The following SLC44A5 variants were observed in gnomAD, a reference collection of about 807,000 sequenced individuals.
SLC44A5 encodes the protein choline transporter-like protein 5.
A neutral mutation model predicts 101.8 loss-of-function variants in SLC44A5; 57 were observed. The observed-to-expected ratio is 0.56, with a 90% CI of 0.45 to 0.70. The LOEUF (loss-of-function observed/expected upper bound fraction) is 0.70. Ranked by LOEUF, SLC44A5 falls within the 30% of genes least tolerant of loss-of-function variation. The pLI, the probability that SLC44A5 is intolerant of heterozygous loss-of-function variation, is 0.00. For missense variants in SLC44A5, 737 were observed against 853.1 expected (o/e 0.86, Z 1.70); for synonymous variants, 281 against 290.9 (o/e 0.97, Z 0.35).
At chr1:75,451,527 T>G (rs998975460) in intron 2 of SLC44A5, among the ~76,000 whole-genome samples, 2 of 150,990 alleles carry the variant, frequency 1.3e-5, no homozygotes, top group African/African-American at 2.4e-5. Flanking sequence ...AAGAAAAAAA[T>G]AAAAAATCCT....
chr1:75,582,621 G>A (rs574003942), intron 1 of SLC44A5: 8 of 272,684 alleles, frequency 2.9e-5, no homozygotes, highest in South Asian at 9.7e-5. Flanking sequence ...CTGCACTGCC[G>A]TCTGCATAGG....
rs756675060 is a variant in SLC44A5, at chr1:75,373,749, C to A, written c.52+22834G>T. ...GAGGTTGCCCACAGCACAGCCTCTACTGCCCCACCTGAGTGTTTTGCCAGC... is the reference window on the plus strand; with the variant it reads ...GAGGTTGCCCACAGCACAGCCTCTAATGCCCCACCTGAGTGTTTTGCCAGC... On this transcript the variant is annotated intron_variant, in intron 3 of 23. Transcript: ENST00000370859. 2.0e-5 allele frequency among the ~76,000 whole-genome samples: 3 copies of A among 152,180 alleles called. No homozygotes were observed. The East Asian group carries it at 5.8e-4, about 29-fold the overall frequency.
intron 2 of SLC44A5, among the ~76,000 whole-genome samples, chr1:75,478,575 A>C (rs1435093139): frequency 6.7e-6 from 1 of 149,024 alleles, no homozygotes. Context: ...AGCAAATGGA[A>C]AACAAAAAAA....
chr1:75,246,398 C>T (rs1037239658), intron 7 of SLC44A5, among the ~76,000 whole-genome samples: 38 of 152,076 alleles, frequency 2.5e-4, no homozygotes, highest in African/African-American at 8.9e-4. Flanking sequence ...TTCTCTCATT[C>T]ATTCAGTCAT....
rs537306710 is a variant in SLC44A5, at chr1:75,460,205, T to C, written c.14-63584A>G. ...CTGGAACTCTGAGGACAAATGGAGT[T>C]TATAATGTTATGATAATGAGAAGCC... is the stretch of plus-strand genomic sequence containing the variant. On this transcript the variant is annotated intron_variant, in intron 2 of 23. Coordinates refer to ENST00000370859, the MANE Select transcript of SLC44A5 (RefSeq NM_001130058.2). 3.3e-5 allele frequency among the ~76,000 whole-genome samples: 5 copies of C among 152,278 alleles called. No individual in the cohort carries two copies. In the South Asian group the frequency reaches 6.2e-4, roughly 19 times the overall value.
chr1:75,635,036 C>T, the SLC44A5 span, among the ~76,000 whole-genome samples: 2 of 150,328 alleles, frequency 1.3e-5, no homozygotes, highest in African/African-American at 2.4e-5. Flanking sequence ...GACATTTATG[C>T]AGCCAACAGA....
At chr1:75,680,981 C>A in the SLC44A5 span, among the ~76,000 whole-genome samples, 24 of 150,418 alleles carry the variant, frequency 1.6e-4, no homozygotes, top group African/African-American at 5.6e-4. Flanking sequence ...ATACTACAAA[C>A]ACCTCTACGC....
At chr1:75,425,284 G>A (rs1227316958) in intron 2 of SLC44A5, among the ~76,000 whole-genome samples, 1 of 152,218 alleles carries the variant, frequency 6.6e-6, no homozygotes, top group Non-Finnish European at 1.5e-5. Context: ...GCACATGTTA[G>A]GAACTTAATT....
chr1:75,679,833 T>C, the SLC44A5 span, among the ~76,000 whole-genome samples: 1 of 151,738 alleles, frequency 6.6e-6, no homozygotes, highest in Non-Finnish European at 1.5e-5. Flanking sequence ...GGATAAAGAG[T>C]CAAGACCCAT....
the SLC44A5 span, among the ~76,000 whole-genome samples, chr1:75,662,331 G>A: frequency 6.6e-6 from 1 of 152,010 alleles, no homozygotes; most frequent in African/African-American, 2.4e-5. Flanking sequence ...ATAGAATGGT[G>A]GTTACCAAAG....
chr1:75,689,470 G>A, the SLC44A5 span, among the ~76,000 whole-genome samples: 1 of 152,138 alleles, frequency 6.6e-6, no homozygotes, highest in Admixed American at 6.5e-5. Flanking sequence ...AGGTATGGCA[G>A]GATTATACAG....
intron 1 of SLC44A5, among the ~76,000 whole-genome samples, chr1:75,586,748 T>C (rs1460102032): frequency 6.6e-6 from 1 of 152,136 alleles, no homozygotes; most frequent in African/African-American, 2.4e-5. Context: ...CTATCTTTAA[T>C]AGAAAGCAAA....
intron 5 of SLC44A5, among the ~76,000 whole-genome samples, chr1:75,283,763 C>T (rs1407915637): frequency 1.5e-5 from 2 of 129,850 alleles, no homozygotes; most frequent in African/African-American, 5.0e-5. Flanking sequence ...TTTCCTTTCC[C>T]TACTTTTTTT....
At chr1:75,692,800 A>G in the SLC44A5 span, among the ~76,000 whole-genome samples, 105 of 152,280 alleles carry the variant, frequency 6.9e-4, 1 homozygote, top group African/African-American at 2.3e-3. Context: ...TGAAGCAGGT[A>G]AATATAGTAA....
chr1:75,377,184 C>G (rs1198597406), intron 3 of SLC44A5, among the ~76,000 whole-genome samples: 1 of 148,874 alleles, frequency 6.7e-6, no homozygotes, highest in Non-Finnish European at 1.5e-5. Flanking sequence ...AAAAATTCTT[C>G]TGCCTTGAGA....
the SLC44A5 span, among the ~76,000 whole-genome samples, chr1:75,650,582 C>A: frequency 6.6e-6 from 1 of 152,214 alleles, no homozygotes; most frequent in Non-Finnish European, 1.5e-5. Flanking sequence ...CTGCTCTGAA[C>A]CAAGTCTAAT....
At chr1:75,498,856 T>A (rs1316679510) in intron 2 of SLC44A5, among the ~76,000 whole-genome samples, 1 of 152,224 alleles carries the variant, frequency 6.6e-6, no homozygotes, top group African/African-American at 2.4e-5. Flanking sequence ...AAGTCAAGTT[T>A]TTGCTATCAG....
At chr1:75,523,737 A>C (rs1670270077) in intron 2 of SLC44A5, among the ~76,000 whole-genome samples, 1 of 152,152 alleles carries the variant, frequency 6.6e-6, no homozygotes, top group Admixed American at 6.5e-5. Context: ...GCTTGAGGCA[A>C]TTTTGCCCCA....
intron 2 of SLC44A5, among the ~76,000 whole-genome samples, chr1:75,414,038 AC>A (rs1023826853): frequency 1.3e-5 from 2 of 152,006 alleles, no homozygotes; most frequent in African/African-American, 4.8e-5. Flanking sequence ...TAATTTTTTC[AC>A]CATTTTTCTA....
Sources: gnomAD v4.1 joint callset for allele counts (sites outside exome capture counted in the v4.1 genomes callset) on GRCh38, gnomAD v4.1.1 for gene constraint, MANE v1.5 for transcripts, NCBI Gene and HGNC (gene_info 2026-07-23, HGNC 2026-07-21) for gene names.